The following MAP3K9 variants were observed in gnomAD, a reference collection of about 807,000 sequenced individuals.
MAP3K9 encodes the protein mixed lineage kinase 1 (tyr and ser/thr specificity).
A neutral mutation model predicts 95.8 loss-of-function variants in MAP3K9; 46 were observed. The observed-to-expected ratio is 0.48, with a 90% CI of 0.38 to 0.61. The LOEUF (loss-of-function observed/expected upper bound fraction) is 0.61, where lower values mean the gene tolerates loss of function less well. Ranked by LOEUF, MAP3K9 falls within the 20% of genes least tolerant of loss-of-function variation. The pLI, the probability that MAP3K9 is intolerant of heterozygous loss-of-function variation, is 0.00. For missense variants in MAP3K9, 1,296 were observed against 1,474.3 expected, an observed-to-expected ratio of 0.88 and a Z score of 1.98; for synonymous variants, 533 against 593.8, an observed-to-expected ratio of 0.90 and a Z score of 1.49.
At chr14:70,749,758 AG>A (rs2054199774) in intron 4 of MAP3K9, 174 bp downstream of exon 4, 2 of 644,698 alleles carry the variant, frequency 3.1e-6, no homozygotes, top group Non-Finnish European at 5.3e-6. Flanking sequence ...TGCTTGCAGC[AG>A]GGTGTGGATG....
intron 3 of MAP3K9, among the ~76,000 whole-genome samples, chr14:70,755,792 G>A (rs2054290952): frequency 6.6e-6 from 1 of 152,354 alleles, no homozygotes; most frequent in South Asian, 2.1e-4. Context: ...AAAGGGAGCA[G>A]GGTGAATTAT....
chr14:70,774,090 C>T (rs929672221), intron 2 of MAP3K9, among the ~76,000 whole-genome samples: 3 of 152,158 alleles, frequency 2.0e-5, no homozygotes, highest in African/African-American at 7.2e-5. Context: ...AGTTAATCAA[C>T]CTGAAATCTA....
rs752262464 is a variant in MAP3K9, at chr14:70,730,759, T to C, written c.2936A>G (p.Gln979Arg). The stretch of plus-strand genomic sequence containing the variant: ...CTTGGGTCTCTCCAAGGTAGAGTCC[T>C]GCTGAGTGTTCCAGCGCCTTGGGGT... ...PPTPRRWNTQQDSTLERPKTL... is the reference protein window; with the variant it reads ...PPTPRRWNTQRDSTLERPKTL... The change falls in exon 12 of 12, where the codon CAG becomes CGG. Residue 979 changes from glutamine (Q) to arginine (R), a missense_variant. Gln to Arg is a conservative substitution (Grantham distance 43). This residue lies in a region of MAP3K9 where 433 missense variants were observed against 441.4 expected (regional missense o/e 0.98). Transcript: ENST00000554752. 2.5e-6 allele frequency: 4 copies of C among 1,613,536 alleles called. No individual in the cohort carries two copies. The East Asian group carries it at 8.9e-5, about 36-fold the overall frequency.
chr14:70,768,712 C>T (rs2054491268), intron 2 of MAP3K9, among the ~76,000 whole-genome samples: 1 of 152,106 alleles, frequency 6.6e-6, no homozygotes, highest in African/African-American at 2.4e-5. Context: ...TTAGCTGAGG[C>T]CAGGCTCTCA....
chr14:70,733,889 C>T (rs1486859963), intron 10 of MAP3K9: 3 of 699,778 alleles, frequency 4.3e-6, no homozygotes, highest in Non-Finnish European at 8.0e-6. Flanking sequence ...ACTTTTTCTC[C>T]TCTTGCCCTT....
At position 70,808,827 on chromosome 14, in the gene MAP3K9, G is replaced by A. The variant is rs531286700; in HGVS notation, c.345C>T (p.Ser115=). Residue 115 remains serine, a synonymous_variant, in exon 1 of 12, where the codon AGC becomes AGT. Coordinates refer to ENST00000554752, the MANE Select transcript of MAP3K9 (RefSeq NM_001284230.2). ...IFPSNYVTPR[S]AFSSRCQPGG... is the part of the protein sequence containing the mutation. ...CGGGCTGGCAGCGGCTGGAGAAGGC[G>A]CTGCGCGGGGTCACGTAGTTGCTGG... The A allele has an allele frequency of 2.5e-6, 4 of 1,597,040 alleles. No homozygotes were observed. The highest frequency in any genetic ancestry group is 3.4e-6 in the Non-Finnish European group (4 of 1,174,616).
chr14:70,770,745 G>C (rs778431607), intron 2 of MAP3K9, among the ~76,000 whole-genome samples: 5 of 152,076 alleles, frequency 3.3e-5, no homozygotes, highest in Non-Finnish European at 5.9e-5. Context: ...ACGCTGCTCA[G>C]ATCTAAGCTG....
chr14:70,770,715 T>G (rs972557217), intron 2 of MAP3K9, among the ~76,000 whole-genome samples: 1 of 152,084 alleles, frequency 6.6e-6, no homozygotes, highest in African/African-American at 2.4e-5. Context: ...GCAGGTAAGT[T>G]GGTGATGACA....
chr14:70,808,701 C>A (rs1248296052), intron 1 of MAP3K9, 65 bp downstream of exon 1: 6 of 851,926 alleles, frequency 7.0e-6, no homozygotes, highest in Non-Finnish European at 9.3e-6. Flanking sequence ...GTGCTCCCCC[C>A]TTCCCCGACC....
At position 70,800,946 on chromosome 14, in the gene MAP3K9, T is replaced by C. The variant is rs868151792; in HGVS notation, c.541A>G (p.Ile181Val). Residue 181 changes from isoleucine to valine, a missense_variant, in exon 2 of 12, where the codon ATC becomes GTC. This residue lies in a region of MAP3K9 where 338 missense variants were observed against 363.4 expected (regional missense o/e 0.93). Coordinates refer to ENST00000554752, the MANE Select transcript of MAP3K9 (RefSeq NM_001284230.2). ...KAARHDPDED[I>V]SQTIENVRQE... Reference sequence around the variant, plus strand: ...CGAACATTCTCTATGGTCTGGCTGATGTCCTCATCAGGGTCGTGGCGAGCT... The same window carrying C: ...CGAACATTCTCTATGGTCTGGCTGACGTCCTCATCAGGGTCGTGGCGAGCT... The C allele has an allele frequency of 1.9e-6, 3 of 1,614,114 alleles. No homozygotes were observed. The highest frequency in any genetic ancestry group is 2.7e-5 in the African/African-American group (2 of 74,932).
Position 70,730,233 on chromosome 14 carries a change from T to C in MAP3K9, c.*147A>G. ...CAGGAGACCCTCTGAAGTGGCCCTG[T>C]TTCCATCCCTTCCATCTTCAAAGTG... On this transcript the variant is annotated 3_prime_UTR_variant, in exon 12 of 12. Coordinates refer to ENST00000554752, the MANE Select transcript of MAP3K9 (RefSeq NM_001284230.2). 1.6e-6 allele frequency: 2 copies of C among 1,238,634 alleles called. No homozygotes were observed. Among genetic ancestry groups the C allele is most frequent in the Non-Finnish European group, 2.2e-6 (2 of 906,816 alleles). The allele number at this position is 1,238,634 out of a possible 1,614,324, so 76.7% of individuals were successfully genotyped here. A position where few individuals can be genotyped will look rare whatever the true frequency, so the allele number is the denominator to read the frequency against.
intron 1 of MAP3K9, among the ~76,000 whole-genome samples, chr14:70,802,495 G>A (rs1433260125): frequency 2.6e-5 from 4 of 152,178 alleles, no homozygotes; most frequent in Admixed American, 2.6e-4. Context: ...AGCTACATGT[G>A]GTGCTAAGTG....
chr14:70,754,952 C>A (rs995872238), intron 3 of MAP3K9, among the ~76,000 whole-genome samples: 3 of 152,164 alleles, frequency 2.0e-5, no homozygotes, highest in African/African-American at 7.2e-5. Flanking sequence ...CCAATCCAAG[C>A]AGACTGGGAA....
rs543630102 is a variant in MAP3K9 at position 70,773,052 on chromosome 14, C to T, written c.821-11870G>A. 4.9e-4 allele frequency among the ~76,000 whole-genome samples: 74 copies of T among 152,304 alleles called. No homozygotes were observed. In the South Asian group the frequency reaches 0.015, roughly 30 times the overall value. On this transcript the variant is annotated intron_variant, in intron 2 of 11. Transcript: ENST00000554752. ...CATATTTTCTCAACAAAACAGCACC[C>T]ATGCACATTTGAAAAACAGAAATAT...
At position 70,807,690 on chromosome 14, in the gene MAP3K9, C is replaced by A. The variant is rs180839430; in HGVS notation, c.406+1076G>T. ...CAGTAATTAATACATATTAACAATACCTTTTTAACAGATAAGAGATTATGG... is the reference window on the plus strand; with the variant it reads ...CAGTAATTAATACATATTAACAATAACTTTTTAACAGATAAGAGATTATGG... On this transcript the variant is annotated intron_variant, in intron 1 of 11. Transcript: ENST00000554752. Among the ~76,000 whole-genome samples the A allele has an allele frequency of 5.8e-3, 879 of 152,032 alleles. 1 individual carries two copies. The highest frequency in any genetic ancestry group is 8.3e-3 in the Non-Finnish European group (567 of 67,960).
chr14:70,792,257 G>C (rs2054815309), intron 2 of MAP3K9, among the ~76,000 whole-genome samples: 1 of 152,170 alleles, frequency 6.6e-6, no homozygotes. Context: ...CTGAGCGCTT[G>C]TACACTTTTG....
chr14:70,808,439 C>T (rs1467919830), intron 1 of MAP3K9, among the ~76,000 whole-genome samples: 1 of 83,988 alleles, frequency 1.2e-5, no homozygotes, highest in African/African-American at 4.7e-5. Context: ...TGGGGGGCGG[C>T]GGGGGGGTGG....
At position 70,794,990 on chromosome 14, in the gene MAP3K9, C is replaced by CTTTTTTTTTTTTTTTTTTTTTT. The variant is rs572010694; in HGVS notation, c.820+5676_820+5677insAAAAAAAAAAAAAAAAAAAAAA. Among the ~76,000 whole-genome samples, 3 of 76,800 alleles carry CTTTTTTTTTTTTTTTTTTTTTT rather than the reference C, an allele frequency of 3.9e-5. 1 individual carries two copies. The highest frequency in any genetic ancestry group is 3.7e-4 in the Admixed American group (2 of 5,410). The allele number at this position is 76,800 out of a possible 152,430, so 50.4% of individuals were successfully genotyped here. The stretch of plus-strand genomic sequence containing the variant: ...CCGTGACCAGCCTCTTTTTCTTTTC[C>CTTTTTTTTTTTTTTTTTTTTTT]TTTTTTTTTTTTTTTTTTTTTGAGA... On this transcript the variant is annotated intron_variant, in intron 2 of 11. Coordinates refer to ENST00000554752, the MANE Select transcript of MAP3K9 (RefSeq NM_001284230.2).
At chr14:70,783,970 A>G (rs1032514860) in intron 2 of MAP3K9, among the ~76,000 whole-genome samples, 1 of 152,212 alleles carries the variant, frequency 6.6e-6, no homozygotes, top group African/African-American at 2.4e-5. Context: ...AAATCTATAT[A>G]TACTTCTTTT....
Sources: allele counts gnomAD v4.1 joint callset (sites outside exome capture counted in the v4.1 genomes callset), GRCh38; gene constraint gnomAD v4.1.1; regional missense constraint gnomAD v4.1.1; transcripts MANE v1.5; gene names NCBI Gene and HGNC (gene_info 2026-07-23, HGNC 2026-07-21).